The following TLL1 variants were observed in gnomAD, a reference collection of about 807,000 sequenced individuals.
TLL1 encodes the protein tolloid-like protein 1.
A neutral mutation model predicts 128.2 loss-of-function variants in TLL1; 49 were observed. The ratio of observed to expected loss-of-function variants is 0.38; its 90% confidence interval spans 0.30 to 0.48. The LOEUF (loss-of-function observed/expected upper bound fraction) is 0.48, where lower values mean the gene tolerates loss of function less well. Ranked by LOEUF, TLL1 falls within the 20% of genes least tolerant of loss-of-function variation. The pLI, the probability that TLL1 is intolerant of heterozygous loss-of-function variation, is 0.96. For missense variants in TLL1, 1,123 were observed against 1,242.0 expected (o/e 0.90, Z 1.44); for synonymous variants, 454 against 418.8 (o/e 1.08, Z -1.03).
At chr4:165,951,523 G>A (rs1734515480) in intron 1 of TLL1, among the ~76,000 whole-genome samples, 1 of 152,160 alleles carries the variant, frequency 6.6e-6, no homozygotes, top group Non-Finnish European at 1.5e-5. Flanking sequence ...GTGGTCAGTG[G>A]CTACATTCAA....
intron 1 of TLL1, among the ~76,000 whole-genome samples, chr4:165,974,208 T>TCGG (rs1735769226): frequency 9.3e-6 from 1 of 107,180 alleles, no homozygotes; most frequent in South Asian, 2.8e-4. Context: ...TGGCGGGATC[T>TCGG]CGGCTCACTG....
chr4:166,025,630 T>C lies in TLL1; in HGVS notation c.1158+199T>C, dbSNP rs757965657. ...TATAATTTTAAACTTTTTGATGCAATAGGAGGGTTGAAATAATACAAATTA... is the reference window on the plus strand; with the variant it reads ...TATAATTTTAAACTTTTTGATGCAACAGGAGGGTTGAAATAATACAAATTA... On this transcript the variant is annotated intron_variant, in intron 9 of 20. Transcript: ENST00000061240. Among the ~76,000 whole-genome samples the C allele has an allele frequency of 3.2e-4, 48 of 152,144 alleles. 1 individual carries two copies. Among genetic ancestry groups the C allele is most frequent in the Admixed American group, 2.6e-3 (39 of 15,268 alleles).
chr4:165,875,262 C>T (rs1730673634), intron 1 of TLL1, among the ~76,000 whole-genome samples: 1 of 152,160 alleles, frequency 6.6e-6, no homozygotes, highest in Non-Finnish European at 1.5e-5. Flanking sequence ...ACTAGATAAG[C>T]ATTATTCACC....
At chr4:166,044,479 C>G (rs1739371528) in intron 12 of TLL1, 1 of 1,431,270 alleles carries the variant, frequency 7.0e-7, no homozygotes, top group African/African-American at 1.4e-5. Flanking sequence ...CTTGCATGTA[C>G]CATTTAACTT....
At chr4:165,890,218 G>A (rs1731337352) in intron 1 of TLL1, among the ~76,000 whole-genome samples, 2 of 152,122 alleles carry the variant, frequency 1.3e-5, no homozygotes, top group South Asian at 4.1e-4. Flanking sequence ...GACATGTGGG[G>A]ATTATGAGAA....
intron 16 of TLL1, 42 bp from the exon 17 acceptor site, chr4:166,074,836 T>G: frequency 6.2e-7 from 1 of 1,610,174 alleles, no homozygotes; most frequent in Non-Finnish European, 8.5e-7. Context: ...TCCTCTGTTT[T>G]TAAAGTTACT....
At chr4:165,993,030 C>T (rs971868974) in intron 3 of TLL1, 146 bp downstream of exon 3, 7 of 674,468 alleles carry the variant, frequency 1.0e-5, no homozygotes, top group Admixed American at 5.0e-5. Flanking sequence ...TTTGCTAGCT[C>T]ATATCTGATC....
chr4:165,966,430 G>A (rs971246090), intron 1 of TLL1, among the ~76,000 whole-genome samples: 6 of 151,786 alleles, frequency 4.0e-5, no homozygotes, highest in Non-Finnish European at 7.4e-5. Context: ...GTGGCAACAG[G>A]TTAGGCTCAG....
intron 12 of TLL1, among the ~76,000 whole-genome samples, chr4:166,046,038 A>G (rs1184306905): frequency 6.6e-6 from 1 of 152,174 alleles, no homozygotes; most frequent in Non-Finnish European, 1.5e-5. Context: ...TCACTAGAAT[A>G]TGTCCACCAA....
chr4:165,887,338 C>T (rs1010273574), intron 1 of TLL1, among the ~76,000 whole-genome samples: 1 of 152,042 alleles, frequency 6.6e-6, no homozygotes, highest in Non-Finnish European at 1.5e-5. Context: ...TGCATTTGCA[C>T]CGTGTCAGTA....
At chr4:165,999,981 G>A (rs895624223) in intron 5 of TLL1, among the ~76,000 whole-genome samples, 7 of 152,144 alleles carry the variant, frequency 4.6e-5, no homozygotes, top group Admixed American at 1.3e-4. Flanking sequence ...TGTTCCAAAT[G>A]GGTTTTGTTC....
intron 1 of TLL1, among the ~76,000 whole-genome samples, chr4:165,944,724 T>C (rs911507982): frequency 7.9e-5 from 12 of 151,924 alleles, no homozygotes; most frequent in Non-Finnish European, 1.8e-4. Flanking sequence ...GTGACTCTTG[T>C]GGTGGTGGTT....
At chr4:166,024,736 T>C (rs28458802) in intron 8 of TLL1, among the ~76,000 whole-genome samples, 22,713 of 152,132 alleles carry the variant, frequency 0.15, 3,834 homozygotes, top group African/African-American at 0.42. Context: ...CCGAGAAAAG[T>C]AAATAAATAT....
chr4:166,017,932 T>A (rs1291036304), intron 8 of TLL1, among the ~76,000 whole-genome samples: 1 of 152,204 alleles, frequency 6.6e-6, no homozygotes, highest in Non-Finnish European at 1.5e-5. Flanking sequence ...GCTACACTGA[T>A]GCAGTAGGTT....
intron 16 of TLL1, 74 bp downstream of exon 16, chr4:166,065,937 A>C: frequency 2.7e-6 from 4 of 1,506,860 alleles, no homozygotes; most frequent in Non-Finnish European, 3.7e-6. Flanking sequence ...TATGTGATCT[A>C]TTTTTCATAG....
chr4:166,099,431 A>G lies in TLL1; in HGVS notation c.2811A>G (p.Glu937=). 1 of 1,613,538 alleles carries G rather than the reference A, an allele frequency of 6.2e-7. No individual in the cohort carries two copies. The highest frequency in any genetic ancestry group is 8.5e-7 in the Non-Finnish European group (1 of 1,179,666). The change falls in exon 20 of 21, where the codon GAA becomes GAG. Residue 937 remains glutamate (E), a synonymous_variant. Coordinates refer to ENST00000061240, the MANE Select transcript of TLL1 (RefSeq NM_012464.5). The stretch of plus-strand genomic sequence containing the variant: ...TTGAATTATCCTTCCAGACATTTGA[A>G]GTGGAGGAAGAAGCAGACTGTGGCT... ...SRLELSFQTF[E]VEEEADCGYD...
chr4:165,932,663 G>A (rs528708160), intron 1 of TLL1, among the ~76,000 whole-genome samples: 138 of 151,226 alleles, frequency 9.1e-4, no homozygotes, highest in African/African-American at 3.1e-3. Flanking sequence ...TTTAGAGTTT[G>A]TTTGTAATCT....
rs772598841 is a variant in TLL1 at position 165,995,196 on chromosome 4, G to A, written c.632+18G>A. 1 of 1,548,080 alleles carries A rather than the reference G, an allele frequency of 6.5e-7. No homozygotes were observed. The highest frequency in any genetic ancestry group is 1.1e-5 in the South Asian group (1 of 89,666). ...CCTTGTGGGTAAGTAGAACTAGGTAGGGACTGACTTAAGGAAAAAAAAAAT... is the reference window on the plus strand; with the variant it reads ...CCTTGTGGGTAAGTAGAACTAGGTAAGGACTGACTTAAGGAAAAAAAAAAT... On this transcript the variant is annotated intron_variant, in intron 5 of 20. Transcript: ENST00000061240.
intron 16 of TLL1, among the ~76,000 whole-genome samples, chr4:166,068,087 A>C (rs1222793894): frequency 1.3e-5 from 2 of 151,862 alleles, no homozygotes; most frequent in Non-Finnish European, 2.9e-5. Context: ...CACTTTGTGA[A>C]TCATTGAAAA....
Sources: allele counts gnomAD v4.1 joint callset (sites outside exome capture counted in the v4.1 genomes callset), GRCh38; gene constraint gnomAD v4.1.1; transcripts MANE v1.5; gene names NCBI Gene and HGNC (gene_info 2026-07-23, HGNC 2026-07-21).